C6orf89: variants seen among roughly 807,000 people sequenced by gnomAD.
The protein encoded by C6orf89 is bombesin receptor-activated protein C6orf89.
In C6orf89, 29 loss-of-function variants were observed where a neutral mutation model predicts 40.7. That is an observed-to-expected ratio of 0.71 (90% CI 0.53 to 0.97). The LOEUF is 0.97. Among genes scored for constraint, C6orf89 ranks in the 50% least tolerant of loss-of-function variants. The pLI is 0.00. For missense variants in C6orf89, 392 were observed against 429.1 expected (o/e 0.91, Z 0.76); for synonymous variants, 165 against 152.2 (o/e 1.08, Z -0.62).
At chr6:36,887,924 A>G (rs960675537) in intron 1 of C6orf89, among the ~76,000 whole-genome samples, 1 of 151,992 alleles carries the variant, frequency 6.6e-6, no homozygotes, top group Non-Finnish European at 1.5e-5. Flanking sequence ...GGGTCTTGCT[A>G]TGTTACCCAG....
At chr6:36,900,626 A>G (rs1400341744) in intron 3 of C6orf89, among the ~76,000 whole-genome samples, 1 of 151,124 alleles carries the variant, frequency 6.6e-6, no homozygotes, top group African/African-American at 2.4e-5. Context: ...CAGCCTCCCA[A>G]GTACCTAGGA....
intron 8 of C6orf89, among the ~76,000 whole-genome samples, chr6:36,920,807 C>G (rs969742252): frequency 9.9e-5 from 15 of 152,140 alleles, no homozygotes; most frequent in Admixed American, 2.6e-4. Context: ...GCGAAAATCT[C>G]TCTGGCATAT....
chr6:36,905,594 C>A (rs1172185202), intron 4 of C6orf89, among the ~76,000 whole-genome samples: 1 of 152,188 alleles, frequency 6.6e-6, no homozygotes, highest in African/African-American at 2.4e-5. Context: ...GTTCATCCTC[C>A]CTAGTCTGCA....
upstream of C6orf89, chr6:36,885,895 G>C (rs1448965313): frequency 4.6e-6 from 3 of 652,404 alleles, no homozygotes; most frequent in Non-Finnish European, 6.0e-6. Flanking sequence ...AATTACTCTA[G>C]GGTACAAGGC....
Position 36,927,637 on chromosome 6 carries a change from CAG to C in C6orf89, c.*4200_*4201del, listed in dbSNP as rs1733315776. The C allele has an allele frequency of 6.6e-6, 1 of 152,230 alleles. No homozygotes were observed. The highest frequency in any genetic ancestry group is 2.1e-4 in the South Asian group (1 of 4,828). The allele number at this position is 152,230 out of a possible 1,614,324, so 9.4% of individuals were successfully genotyped here. A position where few individuals can be genotyped will look rare whatever the true frequency, so the allele number is the denominator to read the frequency against. ...ACAATTTGTTGAAGGAAGGGAGTGT[CAG>C]AGATATGCTTTAAAGTTGTACTTTA... On this transcript the variant is annotated 3_prime_UTR_variant, in exon 9 of 9. Coordinates refer to ENST00000480824, the MANE Select transcript of C6orf89 (RefSeq NM_001286635.2).
intron 4 of C6orf89, among the ~76,000 whole-genome samples, chr6:36,906,214 A>C (rs1442077394): frequency 6.6e-6 from 1 of 152,228 alleles, no homozygotes; most frequent in Non-Finnish European, 1.5e-5. Flanking sequence ...CAAACTAAGA[A>C]TCTAGTAAGA....
At chr6:36,895,635 A>T (rs1335197792) in intron 2 of C6orf89, among the ~76,000 whole-genome samples, 1 of 152,240 alleles carries the variant, frequency 6.6e-6, no homozygotes, top group Non-Finnish European at 1.5e-5. Context: ...TTCACCTAGC[A>T]TAATGTTTTC....
At chr6:36,894,013 G>A (rs1761325177) in intron 1 of C6orf89, among the ~76,000 whole-genome samples, 1 of 135,340 alleles carries the variant, frequency 7.4e-6, no homozygotes, top group Admixed American at 8.2e-5. Context: ...AACACAGCGA[G>A]ACTCTGTCTC....
At chr6:36,887,111 G>GTTT in intron 1 of C6orf89, among the ~76,000 whole-genome samples, 5 of 148,210 alleles carry the variant, frequency 3.4e-5, no homozygotes, top group African/African-American at 1.3e-4. Context: ...CTACCTCTGC[G>GTTT]TTTTTTTGTT....
chr6:36,917,224 G>A (rs1015096893), intron 7 of C6orf89, among the ~76,000 whole-genome samples: 1 of 152,134 alleles, frequency 6.6e-6, no homozygotes, highest in Non-Finnish European at 1.5e-5. Context: ...ACAATTAAGA[G>A]ATTTCAGGTA....
chr6:36,908,592 T>C (rs1044031281), intron 4 of C6orf89, among the ~76,000 whole-genome samples: 1 of 152,212 alleles, frequency 6.6e-6, no homozygotes, highest in African/African-American at 2.4e-5. Context: ...TTAATATATA[T>C]AAATAGAAAT....
Position 36,924,832 on chromosome 6 carries a change from A to G in C6orf89, c.*1391A>G, listed in dbSNP as rs1762628587. On this transcript the variant is annotated 3_prime_UTR_variant, in exon 9 of 9. Transcript: ENST00000480824. ...TATGGATCAGAGGCAGACAATGACG[A>G]GTGAAGATGGTTGTGAAGCCCTCTT... is the stretch of plus-strand genomic sequence containing the variant. 6.6e-6 allele frequency: 1 copy of G among 152,214 alleles called. No homozygotes were observed. The highest frequency in any genetic ancestry group is 2.1e-4 in the South Asian group (1 of 4,832). The allele number at this position is 152,214 out of a possible 1,614,324, so 9.4% of individuals were successfully genotyped here. A position where few individuals can be genotyped will look rare whatever the true frequency, so the allele number is the denominator to read the frequency against.
chr6:36,873,884 C>T (rs1333168883), intron 1 of C6orf89, among the ~76,000 whole-genome samples: 2 of 152,116 alleles, frequency 1.3e-5, no homozygotes, highest in Non-Finnish European at 2.9e-5. Context: ...AGGATTAATA[C>T]GTTTTTACTT....
chr6:36,916,122 C>CCTG (rs1229201520), intron 6 of C6orf89, among the ~76,000 whole-genome samples: 1 of 152,086 alleles, frequency 6.6e-6, no homozygotes, highest in African/African-American at 2.4e-5. Flanking sequence ...CCCCGCCTGG[C>CCTG]CTGCTGTTAC....
At position 36,914,653 on chromosome 6, in the gene C6orf89, C is replaced by T. The variant is rs199961954; in HGVS notation, c.655C>T (p.Arg219Cys). The change falls in exon 6 of 9, where the codon CGC (arginine) becomes TGC (cysteine). Residue 219 changes from arginine (R) to cysteine (C), a missense_variant. Transcript: ENST00000480824. ...FSEGFFAKWW[R>C]CFPERWFPFP... Reference sequence around the variant, plus strand: ...TGAAGGGTTTTTCGCCAAGTGGTGGCGCTGCTTTCCTGAGCGGTGGTTCCC... The same window carrying T: ...TGAAGGGTTTTTCGCCAAGTGGTGGTGCTGCTTTCCTGAGCGGTGGTTCCC... 56 of 1,614,054 alleles carry T rather than the reference C, an allele frequency of 3.5e-5. No individual in the cohort carries two copies. Among genetic ancestry groups the T allele is most frequent in the South Asian group, 5.5e-5 (5 of 91,082 alleles).
At chr6:36,903,383 C>T (rs547480472) in intron 4 of C6orf89, among the ~76,000 whole-genome samples, 5 of 152,054 alleles carry the variant, frequency 3.3e-5, no homozygotes, top group African/African-American at 7.2e-5. Context: ...AACCATGATC[C>T]GAAACTTTTA....
chr6:36,894,971 T>C (rs542513157), intron 2 of C6orf89, among the ~76,000 whole-genome samples: 19 of 152,314 alleles, frequency 1.2e-4, no homozygotes, highest in African/African-American at 4.6e-4. Context: ...ACCGAAATCA[T>C]CTCACTAGCA....
At chr6:36,885,240 C>T (rs1774931262), upstream of C6orf89, among the ~76,000 whole-genome samples, 1 of 152,234 alleles carries the variant, frequency 6.6e-6, no homozygotes, top group South Asian at 2.1e-4. Flanking sequence ...TTCAACCACT[C>T]ACAGCCTGCT....
chr6:36,895,935 T>C (rs1342281630), intron 2 of C6orf89, among the ~76,000 whole-genome samples: 1 of 152,234 alleles, frequency 6.6e-6, no homozygotes, highest in Admixed American at 6.5e-5. Flanking sequence ...CTGTTTTCCA[T>C]AGTGGCTGTA....
Sources: gnomAD v4.1 joint callset for allele counts (sites outside exome capture counted in the v4.1 genomes callset) on GRCh38, gnomAD v4.1.1 for gene constraint, MANE v1.5 for transcripts, NCBI Gene and HGNC (gene_info 2026-07-23, HGNC 2026-07-21) for gene names.